TDRD3: variants seen among roughly 807,000 people sequenced by gnomAD.
TDRD3 encodes tudor domain-containing protein 3.
A neutral mutation model predicts 86.7 loss-of-function variants in TDRD3; 45 were observed. The ratio of observed to expected loss-of-function variants is 0.52; its 90% CI spans 0.41 to 0.67. TDRD3 has a LOEUF of 0.67. Ranked by LOEUF, TDRD3 falls within the 30% of genes least tolerant of loss-of-function variation. The pLI is 0.00. For synonymous variants in TDRD3, 298 were observed against 301.7 expected (o/e 0.99, Z 0.13); for missense variants, 814 against 889.0 (o/e 0.92, Z 1.07).
At chr13:60,396,325 G>C (rs542067256), upstream of TDRD3, 202 of 152,340 alleles carry the variant, frequency 1.3e-3, no homozygotes, top group African/African-American at 4.7e-3. Flanking sequence ...AAACTTTTAG[G>C]GAGCGCCTCT....
chr13:60,434,495 C>T (rs1252606057), intron 1 of TDRD3, among the ~76,000 whole-genome samples: 3 of 150,786 alleles, frequency 2.0e-5, no homozygotes. Flanking sequence ...TGAGCACTTA[C>T]TAAACTGCGG....
intron 13 of TDRD3, among the ~76,000 whole-genome samples, chr13:60,568,399 G>C (rs1393254586): frequency 6.6e-6 from 1 of 152,148 alleles, no homozygotes; most frequent in Non-Finnish European, 1.5e-5. Context: ...TTGACTCTAG[G>C]TATTTTTCTT....
At chr13:60,487,256 G>A (rs1245884308) in intron 7 of TDRD3, among the ~76,000 whole-genome samples, 17 of 152,142 alleles carry the variant, frequency 1.1e-4, no homozygotes, top group Admixed American at 1.1e-3. Flanking sequence ...AGCACTGTGG[G>A]AGGCTGAGGC....
intron 12 of TDRD3, chr13:60,537,781 T>G (rs989494175): frequency 3.9e-5 from 6 of 152,040 alleles, no homozygotes; most frequent in African/African-American, 1.4e-4. Context: ...TTTTTTATTG[T>G]GAAATGGTAT....
At chr13:60,542,303 T>C (rs138521317) in intron 12 of TDRD3, among the ~76,000 whole-genome samples, 74 of 152,308 alleles carry the variant, frequency 4.9e-4, no homozygotes, top group African/African-American at 9.1e-4. Context: ...AGTAGTAAAA[T>C]AAGTGGATCT....
chr13:60,551,711 G>C lies in TDRD3; in HGVS notation c.2119-15814G>C, dbSNP rs372602208. Among the ~76,000 whole-genome samples, 4 of 152,206 alleles carry C rather than the reference G, an allele frequency of 2.6e-5. No individual in the cohort carries two copies. The South Asian group carries it at 8.3e-4, about 32-fold the overall frequency. ...ACATAAAGATACTACCTGAGACTGCGTAATTTATTTTAAGAAGAGGTTTAA... is the reference window on the plus strand; with the variant it reads ...ACATAAAGATACTACCTGAGACTGCCTAATTTATTTTAAGAAGAGGTTTAA... On this transcript the variant is annotated intron_variant, in intron 12 of 13. Transcript: ENST00000377881.
At position 60,567,441 on chromosome 13, in the gene TDRD3, T is replaced by C. The variant is rs534635260; in HGVS notation, c.2119-84T>C. On this transcript the variant is annotated intron_variant, in intron 12 of 13. Coordinates refer to ENST00000377881, the MANE Select transcript of TDRD3 (RefSeq NM_001146070.2). ...CCAGGGCAGCTTAAGAGAGATATTA[T>C]TAAAATAGGGACCATACAATTTTTT... is the stretch of plus-strand genomic sequence containing the variant. 8.2e-6 allele frequency: 13 copies of C among 1,578,960 alleles called. No individual in the cohort carries two copies. In the East Asian group the frequency reaches 2.7e-4, roughly 33 times the overall value.
chr13:60,535,989 T>C (rs1255605732), intron 12 of TDRD3: 1 of 152,162 alleles, frequency 6.6e-6, no homozygotes, highest in East Asian at 1.9e-4. Flanking sequence ...AATTTATTGT[T>C]ATAAGCCAAT....
chr13:60,480,081 T>C (rs1956278177), intron 5 of TDRD3, among the ~76,000 whole-genome samples: 1 of 152,216 alleles, frequency 6.6e-6, no homozygotes, highest in African/African-American at 2.4e-5. Flanking sequence ...TTGCATAGTT[T>C]ATAGTGTCAC....
intron 1 of TDRD3, among the ~76,000 whole-genome samples, chr13:60,421,768 A>G (rs1273497149): frequency 1.3e-5 from 2 of 152,332 alleles, no homozygotes; most frequent in Admixed American, 6.5e-5. Flanking sequence ...TCCTGTGCCA[A>G]TCTTGTCCCA....
intron 1 of TDRD3, among the ~76,000 whole-genome samples, chr13:60,437,301 T>C (rs1433002416): frequency 6.6e-6 from 1 of 151,758 alleles, no homozygotes; most frequent in East Asian, 1.9e-4. Context: ...TAATTTTGTA[T>C]TTTTAGTAGA....
intron 8 of TDRD3, among the ~76,000 whole-genome samples, chr13:60,505,497 G>A (rs977995563): frequency 6.6e-6 from 1 of 152,174 alleles, no homozygotes; most frequent in Non-Finnish European, 1.5e-5. Flanking sequence ...GGGGGAAGGG[G>A]CGGCTGTGGG....
chr13:60,560,844 G>T (rs1396156126), intron 12 of TDRD3, among the ~76,000 whole-genome samples: 1 of 152,182 alleles, frequency 6.6e-6, no homozygotes, highest in Non-Finnish European at 1.5e-5. Flanking sequence ...TGTGATACTG[G>T]AATGAAAATA....
intron 7 of TDRD3, among the ~76,000 whole-genome samples, chr13:60,492,049 TG>T: frequency 6.6e-6 from 1 of 152,290 alleles, no homozygotes; most frequent in Non-Finnish European, 1.5e-5. Flanking sequence ...AGTTACCTTA[TG>T]GGTAATATTT....
At chr13:60,444,809 T>A (rs1213082466) in intron 3 of TDRD3, 61 bp downstream of exon 3, 5 of 984,334 alleles carry the variant, frequency 5.1e-6, no homozygotes, top group Non-Finnish European at 7.3e-6. Context: ...ATGAACTAAA[T>A]TACTGGAATT....
intron 11 of TDRD3, among the ~76,000 whole-genome samples, chr13:60,532,581 C>T (rs1957610079): frequency 6.6e-6 from 1 of 152,132 alleles, no homozygotes; most frequent in Admixed American, 6.5e-5. Context: ...TTCTTAATTG[C>T]ATTGTAATGA....
intron 1 of TDRD3, among the ~76,000 whole-genome samples, chr13:60,435,028 T>TG (rs1217732601): frequency 6.6e-6 from 1 of 152,232 alleles, no homozygotes; most frequent in African/African-American, 2.4e-5. Flanking sequence ...TTTTATTCAT[T>TG]GGTAATATTG....
intron 10 of TDRD3, among the ~76,000 whole-genome samples, chr13:60,527,645 T>C (rs1957474328): frequency 6.6e-6 from 1 of 152,212 alleles, no homozygotes; most frequent in South Asian, 2.1e-4. Flanking sequence ...AAAATTACCT[T>C]TCTATATTTA....
At chr13:60,511,590 C>CT (rs767754176) in intron 10 of TDRD3, among the ~76,000 whole-genome samples, 7 of 152,184 alleles carry the variant, frequency 4.6e-5, no homozygotes, top group Non-Finnish European at 7.4e-5. Context: ...CTTATAGTTT[C>CT]TTTGTGTCAG....
Sources: allele counts gnomAD v4.1 joint callset (sites outside exome capture counted in the v4.1 genomes callset), GRCh38; gene constraint gnomAD v4.1.1; transcripts MANE v1.5; gene names NCBI Gene and HGNC (gene_info 2026-07-23, HGNC 2026-07-21).